Variants in PCDHGA6 observed in about 807,000 individuals in gnomAD.
PCDHGA6 encodes the protein protocadherin gamma subfamily A, 6.
In PCDHGA6, 41 loss-of-function variants were observed where a neutral mutation model predicts 60.6. The ratio of observed to expected loss-of-function variants is 0.68; its 90% CI spans 0.53 to 0.88. The LOEUF is 0.88. Ranked by LOEUF, PCDHGA6 falls within the 40% of genes least tolerant of loss-of-function variation. PCDHGA6 has a pLI of 0.00. For missense variants in PCDHGA6, 1,312 were observed against 1,203.0 expected, an observed-to-expected ratio of 1.09 and a Z score of -1.34; for synonymous variants, 594 against 524.4, an observed-to-expected ratio of 1.13 and a Z score of -1.81.
intron 1 of PCDHGA6, chr5:141,390,310 C>T: frequency 1.2e-6 from 2 of 1,612,362 alleles, no homozygotes; most frequent in Non-Finnish European, 1.7e-6. Context: ...TAATTTAATG[C>T]TCATTGCCTA....
rs766151180 is a variant in PCDHGA6 at position 141,432,210 on chromosome 5, A to G, written c.2424+55703A>G. On this transcript the variant is annotated intron_variant, in intron 1 of 3. Transcript: ENST00000517434. This position sits in a 1 kb window ranked among gnomAD's most constrained non-coding sequence, Gnocchi z 6.0. Reference sequence around the variant, plus strand: ...GCCCACGACCCCGACTGTGAAGAGAACGCCCAGATCACTTATTCCCTGGCT... The same window carrying G: ...GCCCACGACCCCGACTGTGAAGAGAGCGCCCAGATCACTTATTCCCTGGCT... 1 of 1,614,138 alleles carries G rather than the reference A, an allele frequency of 6.2e-7. No individual in the cohort carries two copies. Among genetic ancestry groups the G allele is most frequent in the Non-Finnish European group, 8.5e-7 (1 of 1,180,018 alleles).
intron 3 of PCDHGA6, among the ~76,000 whole-genome samples, chr5:141,506,904 C>T (rs55892286): frequency 0.2 from 30,589 of 152,050 alleles, 3,131 homozygotes; most frequent in Middle Eastern, 0.24. Flanking sequence ...ACTGTCATCA[C>T]ACCTGGGCAC....
intron 1 of PCDHGA6, among the ~76,000 whole-genome samples, chr5:141,470,896 T>C (rs1370454369): frequency 6.6e-6 from 1 of 151,980 alleles, no homozygotes; most frequent in Non-Finnish European, 1.5e-5. Context: ...TTTTGTTTTT[T>C]GTAGAGATGG....
At chr5:141,446,718 C>G (rs1279970040) in intron 1 of PCDHGA6, among the ~76,000 whole-genome samples, 1 of 152,174 alleles carries the variant, frequency 6.6e-6, no homozygotes, top group Non-Finnish European at 1.5e-5. Flanking sequence ...CTGCCCGCCT[C>G]GGCCTCCCAA....
intron 1 of PCDHGA6, chr5:141,392,498 AT>A (rs201401101): frequency 3.1e-4 from 68 of 217,634 alleles, no homozygotes; most frequent in African/African-American, 9.8e-4. Context: ...TAAGCAAATG[AT>A]TTTTTTTTCT....
chr5:141,410,766 AG>A, intron 1 of PCDHGA6: 1 of 1,032,268 alleles, frequency 9.7e-7, no homozygotes, highest in Non-Finnish European at 1.3e-6. Context: ...TTTCAATTAT[AG>A]TTTTCACTAT....
chr5:141,500,871 T>C (rs2154592764), intron 2 of PCDHGA6, among the ~76,000 whole-genome samples: 1 of 135,840 alleles, frequency 7.4e-6, no homozygotes, highest in African/African-American at 3.0e-5. Context: ...TACACATTCA[T>C]TTACAATTTT....
chr5:141,500,104 T>G (rs917633032), intron 2 of PCDHGA6, among the ~76,000 whole-genome samples: 4 of 152,124 alleles, frequency 2.6e-5, no homozygotes, highest in Non-Finnish European at 4.4e-5. Flanking sequence ...AATTTATTTG[T>G]TGAATCCCTG....
Position 141,485,243 on chromosome 5 carries a change from C to A in PCDHGA6, c.2425-9564C>A. ...TACCCTTTTGTTCCTCTTTTACCACCTGGGTTACGTTTGTGGGCAGATCCG... is the reference window on the plus strand; with the variant it reads ...TACCCTTTTGTTCCTCTTTTACCACATGGGTTACGTTTGTGGGCAGATCCG... On this transcript the variant is annotated intron_variant, in intron 1 of 3. Transcript: ENST00000517434. This position sits in a 1 kb window ranked among gnomAD's most constrained non-coding sequence, Gnocchi z 5.7. 1 of 1,614,180 alleles carries A rather than the reference C, an allele frequency of 6.2e-7. No homozygotes were observed. The highest frequency in any genetic ancestry group is 8.5e-7 in the Non-Finnish European group (1 of 1,180,000).
intron 1 of PCDHGA6, chr5:141,400,680 G>A (rs1452030965): frequency 1.4e-5 from 12 of 883,960 alleles, no homozygotes; most frequent in Admixed American, 5.5e-5. Context: ...GCAGTAAATT[G>A]TGAGTTTTTA....
chr5:141,505,362 G>A (rs766427680), intron 2 of PCDHGA6, 31 bp from the exon 3 acceptor site: 1 of 1,613,966 alleles, frequency 6.2e-7, no homozygotes, highest in Non-Finnish European at 8.5e-7. Flanking sequence ...CGGCCTGGGA[G>A]TCTGTGCTCA....
intron 1 of PCDHGA6, chr5:141,427,739 C>G: frequency 2.4e-6 from 3 of 1,232,634 alleles, no homozygotes; most frequent in Non-Finnish European, 3.5e-6. Context: ...ATGGCCAAGT[C>G]TCCTACTCCA....
At chr5:141,422,289 T>G in intron 1 of PCDHGA6, 1 of 1,553,678 alleles carries the variant, frequency 6.4e-7, no homozygotes, top group African/African-American at 1.4e-5. Context: ...CCTCTTCTAT[T>G]AATTCAATTC....
At position 141,392,949 on chromosome 5, in the gene PCDHGA6, G is replaced by A. The variant is rs747367099; in HGVS notation, c.2424+16442G>A. On this transcript the variant is annotated intron_variant, in intron 1 of 3. Transcript: ENST00000517434. ...AGAGACGGACAAAGGCTCCTTCGTG[G>A]GTAATATCTCCAAGGACCTGGGGCT... The A allele has an allele frequency of 5.6e-6, 9 of 1,613,906 alleles. No homozygotes were observed. In the South Asian group the frequency reaches 8.8e-5, roughly 16 times the overall value.
At chr5:141,475,146 G>A (rs938308425) in intron 1 of PCDHGA6, among the ~76,000 whole-genome samples, 3 of 152,014 alleles carry the variant, frequency 2.0e-5, no homozygotes, top group African/African-American at 4.8e-5. Context: ...AATCTTCTCC[G>A]TCTTCTTCTT....
rs577770679 is a variant in PCDHGA6, at chr5:141,458,782, G to A, written c.2425-36025G>A. Reference sequence around the variant, plus strand: ...GGGTCTTGCTGTGTCACACAGGCTGGAGTGCAGTGGTGTGATCTCAGCTCA... The same window carrying A: ...GGGTCTTGCTGTGTCACACAGGCTGAAGTGCAGTGGTGTGATCTCAGCTCA... On this transcript the variant is annotated intron_variant, in intron 1 of 3. Coordinates refer to ENST00000517434, the MANE Select transcript of PCDHGA6 (RefSeq NM_018919.3). 3.3e-5 allele frequency among the ~76,000 whole-genome samples: 5 copies of A among 152,020 alleles called. No homozygotes were observed. In the East Asian group the frequency reaches 9.7e-4, roughly 30 times the overall value.
intron 1 of PCDHGA6, chr5:141,384,315 C>G (rs1465826601): frequency 6.2e-7 from 1 of 1,613,878 alleles, no homozygotes; most frequent in Non-Finnish European, 8.5e-7. Flanking sequence ...CCTCCATTTT[C>G]TTAGTGACTG....
At position 141,477,530 on chromosome 5, in the gene PCDHGA6, C is replaced by A; in HGVS notation, c.2425-17277C>A. The A allele has an allele frequency of 6.2e-7, 1 of 1,614,186 alleles. No homozygotes were observed. The highest frequency in any genetic ancestry group is 1.1e-5 in the South Asian group (1 of 91,082). ...CGTTTACATTGAAGAAAACAACCTCCCCGGGGCTCCAATACTAAACCTAAG... is the reference window on the plus strand; with the variant it reads ...CGTTTACATTGAAGAAAACAACCTCACCGGGGCTCCAATACTAAACCTAAG... On this transcript the variant is annotated intron_variant, in intron 1 of 3. Coordinates refer to ENST00000517434, the MANE Select transcript of PCDHGA6 (RefSeq NM_018919.3). The surrounding 1 kb of genome is among the most constrained non-coding windows in gnomAD (Gnocchi z 4.9).
Position 141,376,282 on chromosome 5 carries a change from G to C in PCDHGA6, c.2199G>C (p.Ala733=), listed in dbSNP as rs755455760. The change falls in exon 1 of 4, where the codon GCG becomes GCC. Residue 733 remains alanine (A), a synonymous_variant. Transcript: ENST00000517434. The part of the protein sequence containing the change: ...RLLQASGGGL[A]SMPGSHFVGV... ...TGCAGGCTTCGGGAGGTGGCTTAGC[G>C]AGCATGCCCGGCTCGCACTTTGTGG... 10 of 1,614,096 alleles carry C rather than the reference G, an allele frequency of 6.2e-6. No homozygotes were observed. Among genetic ancestry groups the C allele is most frequent in the Non-Finnish European group, 7.6e-6 (9 of 1,180,058 alleles).
Sources: allele counts gnomAD v4.1 joint callset (sites outside exome capture counted in the v4.1 genomes callset), GRCh38; gene constraint gnomAD v4.1.1; non-coding constraint Gnocchi (gnomAD v3.1); transcripts MANE v1.5; gene names NCBI Gene and HGNC (gene_info 2026-07-23, HGNC 2026-07-21).